The following PROCA1 variants were observed in gnomAD, a reference collection of about 807,000 sequenced individuals.
PROCA1 encodes the protein protein PROCA1.
Under a neutral mutation model 23.2 loss-of-function variants are expected in PROCA1, and 22 were observed. The ratio of observed to expected loss-of-function variants is 0.95; its 90% CI spans 0.68 to 1.35. The LOEUF (loss-of-function observed/expected upper bound fraction) is 1.35, where lower values mean the gene tolerates loss of function less well. PROCA1 is among the 40% of genes most tolerant of loss of function. PROCA1 has a pLI of 0.00. For synonymous variants in PROCA1, 182 were observed against 179.2 expected, an observed-to-expected ratio of 1.02 and a Z score of -0.12; for missense variants, 469 against 459.8, an observed-to-expected ratio of 1.02 and a Z score of -0.18.
At chr17:28,706,863 G>A in intron 1 of PROCA1, 100 bp from the exon 2 acceptor site, 1 of 1,125,770 alleles carries the variant, frequency 8.9e-7, no homozygotes. Context: ...GGCCCTCGCT[G>A]CATCCTGGAG....
intron 2 of PROCA1, chr17:28,706,177 A>G (rs1177729005): frequency 6.3e-6 from 1 of 158,450 alleles, no homozygotes; most frequent in Non-Finnish European, 1.4e-5. Flanking sequence ...ATCCCCCGGG[A>G]AGATGAGGAA....
rs201634767 is a variant in PROCA1 at position 28,703,719 on chromosome 17, G to A, written c.934C>T (p.Arg312Trp). The A allele has an allele frequency of 2.2e-5, 36 of 1,614,042 alleles. No homozygotes were observed. In the African/African-American group the frequency reaches 2.4e-4, roughly 11 times the overall value. ...ELESEDSYNGRGQGELSSEDI... is the reference protein window; with the variant it reads ...ELESEDSYNGWGQGELSSEDI... Reference sequence around the variant, plus strand: ...TCGCTGGACAGTTCTCCCTGCCCCCGGCCATTGTAACTGTCCTCGCTCTCC... The same window carrying A: ...TCGCTGGACAGTTCTCCCTGCCCCCAGCCATTGTAACTGTCCTCGCTCTCC... The change falls in exon 5 of 5, where the codon CGG becomes TGG. Residue 312 changes from arginine to tryptophan, a missense_variant. Arg to Trp is a moderately radical substitution (Grantham distance 101). Transcript: ENST00000682792.
At position 28,710,914 on chromosome 17, in the gene PROCA1, C is replaced by A. The variant is rs900089478; in HGVS notation, c.91+656G>T. On this transcript the variant is annotated intron_variant, in intron 1 of 4. Coordinates refer to ENST00000682792, the MANE Select transcript of PROCA1 (RefSeq NM_001366301.1). Reference sequence around the variant, plus strand: ...CAGAATCCTCCCCGTCCTGCGGGGCCGAGGAGCTCTCCTCGACCTCGAGGC... The same window carrying A: ...CAGAATCCTCCCCGTCCTGCGGGGCAGAGGAGCTCTCCTCGACCTCGAGGC... The A allele has an allele frequency of 7.7e-6, 10 of 1,296,192 alleles. No homozygotes were observed. In the Admixed American group the frequency reaches 2.4e-4, roughly 30 times the overall value. 80.3% of individuals were successfully genotyped at this position (1,296,192 alleles called of 1,614,324 possible). A position where few individuals can be genotyped will look rare whatever the true frequency, so the allele number is the denominator to read the frequency against.
intron 2 of PROCA1, 44 bp from the exon 3 acceptor site, chr17:28,704,887 T>C: frequency 6.3e-7 from 1 of 1,588,154 alleles, no homozygotes; most frequent in Non-Finnish European, 8.6e-7. Flanking sequence ...GCCGCAGACC[T>C]CTGGGTCTTC....
At chr17:28,711,424 AGCTCCGCCCCG>A (rs2032777732) in intron 1 of PROCA1, 135 bp downstream of exon 1, 1 of 594,502 alleles carries the variant, frequency 1.7e-6, no homozygotes, top group South Asian at 2.6e-5. Flanking sequence ...CCCCGGCCCT[AGCTCCGCCCCG>A]GCCCAGCACT....
intron 2 of PROCA1, chr17:28,705,208 A>G (rs2032410761): frequency 4.4e-6 from 1 of 229,606 alleles, no homozygotes; most frequent in South Asian, 5.8e-5. Context: ...CCCTCCTGCT[A>G]TGGCACCCCA....
At chr17:28,705,062 C>CCTG in intron 2 of PROCA1, 1 of 508,338 alleles carries the variant, frequency 2.0e-6, no homozygotes, top group Admixed American at 3.6e-5. Flanking sequence ...TATCAAGCCC[C>CCTG]CTGCAGTCCT....
intron 1 of PROCA1, among the ~76,000 whole-genome samples, chr17:28,709,061 A>T (rs910394066): frequency 3.3e-5 from 5 of 152,232 alleles, no homozygotes; most frequent in Non-Finnish European, 7.3e-5. Flanking sequence ...GAGAACACAG[A>T]AACTCAGAGA....
rs1460235584 is a variant in PROCA1, at chr17:28,704,129, T to G, written c.524A>C (p.Glu175Ala). The change falls in exon 5 of 5, where the codon GAA (glutamate) becomes GCA (alanine). Residue 175 changes from glutamate (E) to alanine (A), a missense_variant. Coordinates refer to ENST00000682792, the MANE Select transcript of PROCA1 (RefSeq NM_001366301.1). ...HECGADDLNEEEEEEEEESKP... is the reference protein window; with the variant it reads ...HECGADDLNEAEEEEEEESKP... The stretch of plus-strand genomic sequence containing the variant: ...GCTTTCCTCCTCCTCCTCTTCCTCT[T>G]CTTCATTTAGATCATCTGCCCCACA... 1 of 1,564,888 alleles carries G rather than the reference T, an allele frequency of 6.4e-7. No individual in the cohort carries two copies. Among genetic ancestry groups the G allele is most frequent in the Non-Finnish European group, 8.6e-7 (1 of 1,161,728 alleles).
At chr17:28,710,923 C>G in intron 1 of PROCA1, 1 of 1,280,852 alleles carries the variant, frequency 7.8e-7, no homozygotes, top group Non-Finnish European at 1.0e-6. Flanking sequence ...CCGAGGAGCT[C>G]TCCTCGACCT....
In PROCA1 at chr17:28,703,582, TG is replaced by T; in HGVS notation, c.1070del (p.Pro357GlnfsTer82). The T allele has an allele frequency of 6.2e-7, 1 of 1,614,124 alleles. No individual in the cohort carries two copies. ...ARKVNKRKSP[P>X]GSNPNLS ...CTCAACTGAGGTTGGGGTTTGATCC[TG>T]GGGGAGATTTTCTCTTGTTTACCTT... is the stretch of plus-strand genomic sequence containing the variant. On this transcript the variant is annotated frameshift_variant, in exon 5 of 5. Transcript: ENST00000682792. LOFTEE classifies it high-confidence loss of function.
At chr17:28,709,943 G>A (rs999355808) in intron 1 of PROCA1, among the ~76,000 whole-genome samples, 1 of 152,084 alleles carries the variant, frequency 6.6e-6, no homozygotes, top group African/African-American at 2.4e-5. Flanking sequence ...GTTGCAGTGA[G>A]CCGATATCGT....
intron 1 of PROCA1, chr17:28,711,248 C>T (rs1262975303): frequency 2.4e-6 from 2 of 830,324 alleles, no homozygotes; most frequent in African/African-American, 1.7e-5. Context: ...GCTTCAAGGG[C>T]AGCGGCCTGC....
chr17:28,708,811 C>T (rs2032648582), intron 1 of PROCA1, among the ~76,000 whole-genome samples: 1 of 151,270 alleles, frequency 6.6e-6, no homozygotes, highest in East Asian at 1.9e-4. Flanking sequence ...GCCTGGGCAA[C>T]ATGGCAAAAC....
rs749445488 is a variant in PROCA1, at chr17:28,711,624, T to G, written c.37A>C (p.Thr13Pro). 9 of 1,612,232 alleles carry G rather than the reference T, an allele frequency of 5.6e-6. No individual in the cohort carries two copies. The highest frequency in any genetic ancestry group is 1.3e-5 in the African/African-American group (1 of 74,692). Residue 13 changes from threonine to proline, a missense_variant, in exon 1 of 5, where the codon ACT (threonine) becomes CCT (proline). Coordinates refer to ENST00000682792, the MANE Select transcript of PROCA1 (RefSeq NM_001366301.1). Reference protein sequence around the residue: ...VRTTLTIERWTKEKTEPKARS... With the variant: ...VRTTLTIERWPKEKTEPKARS... Reference sequence around the variant, plus strand: ...GCCTTGGGCTCGGTCTTTTCCTTAGTCCATCTTTCAATTGTGAGCGTCGTC... The same window carrying G: ...GCCTTGGGCTCGGTCTTTTCCTTAGGCCATCTTTCAATTGTGAGCGTCGTC...
chr17:28,703,932 C>G lies in PROCA1; in HGVS notation c.721G>C (p.Glu241Gln), dbSNP rs771826469. Residue 241 changes from glutamate to glutamine, a missense_variant, in exon 5 of 5, where the codon GAA (glutamate) becomes CAA (glutamine). Glu to Gln is a conservative substitution (Grantham distance 29). Coordinates refer to ENST00000682792, the MANE Select transcript of PROCA1 (RefSeq NM_001366301.1). ...ATCTCCTCCTTGTCTTTCTCTTTTTCCTTTTTCTTCTTTACCTTCTTGATC... is the reference window on the plus strand; with the variant it reads ...ATCTCCTCCTTGTCTTTCTCTTTTTGCTTTTTCTTCTTTACCTTCTTGATC... ...KVIKKVKKKKEKEKDKEEMDE... is the reference protein window; with the variant it reads ...KVIKKVKKKKQKEKDKEEMDE... 2 of 1,613,438 alleles carry G rather than the reference C, an allele frequency of 1.2e-6. No individual in the cohort carries two copies. Among genetic ancestry groups the G allele is most frequent in the South Asian group, 2.2e-5 (2 of 91,030 alleles).
At chr17:28,711,507 C>G in intron 1 of PROCA1, 63 bp downstream of exon 1, 1 of 1,400,034 alleles carries the variant, frequency 7.1e-7, no homozygotes, top group South Asian at 1.3e-5. Context: ...TTCCCGCGTG[C>G]GCCGCTCGGG....
Position 28,711,592 on chromosome 17 carries a change from C to A in PROCA1, c.69G>T (p.Ser23=), listed in dbSNP as rs757877932. 6.2e-7 allele frequency: 1 copy of A among 1,611,686 alleles called. No individual in the cohort carries two copies. The highest frequency in any genetic ancestry group is 8.5e-7 in the Non-Finnish European group (1 of 1,179,432). Residue 23 remains serine (S), a synonymous_variant, in exon 1 of 5, where the codon TCG becomes TCT. Coordinates refer to ENST00000682792, the MANE Select transcript of PROCA1 (RefSeq NM_001366301.1). The part of the protein sequence containing the change: ...TKEKTEPKAR[S]WDESRCRDVN... The stretch of plus-strand genomic sequence containing the variant: ...TACCGCGGCATCTGCTCTCATCCCA[C>A]GAGCGGGCCTTGGGCTCGGTCTTTT...
intron 1 of PROCA1, among the ~76,000 whole-genome samples, chr17:28,707,683 C>G (rs1475051714): frequency 6.6e-6 from 1 of 152,154 alleles, no homozygotes; most frequent in South Asian, 2.1e-4. Context: ...TTTTTTCCCC[C>G]CTTACAGGCT....
Sources: gnomAD v4.1 joint callset for allele counts (sites outside exome capture counted in the v4.1 genomes callset) on GRCh38, gnomAD v4.1.1 for gene constraint, MANE v1.5 for transcripts, NCBI Gene and HGNC (gene_info 2026-07-23, HGNC 2026-07-21) for gene names.